The following SEMA3E variants were observed in gnomAD, a reference collection of about 807,000 sequenced individuals.
SEMA3E encodes the protein semaphorin-3E.
SEMA3E carries 49 observed loss-of-function variants against 93.6 expected under a neutral mutation model. The observed-to-expected ratio is 0.52, with a 90% confidence interval of 0.42 to 0.66. The LOEUF is 0.66. Ranked by LOEUF, SEMA3E falls within the 30% of genes least tolerant of loss-of-function variation. The pLI is 0.00. For missense variants in SEMA3E, 906 were observed against 964.8 expected (o/e 0.94, Z 0.81); for synonymous variants, 363 against 330.7 (o/e 1.10, Z -1.06).
intron 4 of SEMA3E, among the ~76,000 whole-genome samples, chr7:83,459,440 A>C (rs1789562839): frequency 6.6e-6 from 1 of 152,336 alleles, no homozygotes; most frequent in Non-Finnish European, 1.5e-5. Flanking sequence ...AGAGGTAAAT[A>C]TTCTGACTGT....
chr7:83,619,232 A>G (rs977437540), intron 1 of SEMA3E, among the ~76,000 whole-genome samples: 4 of 151,790 alleles, frequency 2.6e-5, no homozygotes, highest in African/African-American at 9.7e-5. Flanking sequence ...CCATTTTTCT[A>G]ACATACAGAA....
intron 1 of SEMA3E, among the ~76,000 whole-genome samples, chr7:83,616,209 T>C (rs1793364334): frequency 6.6e-6 from 1 of 152,168 alleles, no homozygotes. Context: ...TACAAAACCA[T>C]TTCAAACTGT....
chr7:83,613,296 A>G (rs974151846), intron 1 of SEMA3E, among the ~76,000 whole-genome samples: 5 of 152,048 alleles, frequency 3.3e-5, no homozygotes, highest in African/African-American at 1.2e-4. Flanking sequence ...CAGAAAAGAA[A>G]ATCTAAAAAT....
intron 4 of SEMA3E, among the ~76,000 whole-genome samples, chr7:83,456,483 G>A (rs62460816): frequency 0.12 from 17,741 of 151,906 alleles, 1,093 homozygotes; most frequent in Non-Finnish European, 0.14. Flanking sequence ...AACAACGCCT[G>A]TAGCAAAAAA....
chr7:83,598,171 G>A (rs919583787), intron 1 of SEMA3E, among the ~76,000 whole-genome samples: 1 of 152,114 alleles, frequency 6.6e-6, no homozygotes, highest in Non-Finnish European at 1.5e-5. Flanking sequence ...GCTGAAGCAG[G>A]GGTAAGCTAG....
chr7:83,399,268 T>C (rs1037923842), intron 11 of SEMA3E, among the ~76,000 whole-genome samples: 3 of 152,210 alleles, frequency 2.0e-5, no homozygotes, highest in Non-Finnish European at 4.4e-5. Context: ...TGCTACATAC[T>C]ACTTTGGAGG....
At chr7:83,469,702 T>C (rs1341129124) in intron 2 of SEMA3E, among the ~76,000 whole-genome samples, 1 of 152,186 alleles carries the variant, frequency 6.6e-6, no homozygotes, top group Non-Finnish European at 1.5e-5. Flanking sequence ...GTTTGCTGCA[T>C]ACAATGATTA....
intron 11 of SEMA3E, among the ~76,000 whole-genome samples, chr7:83,398,547 T>C (rs1241094368): frequency 6.6e-6 from 1 of 152,196 alleles, no homozygotes; most frequent in Non-Finnish European, 1.5e-5. Flanking sequence ...GAGCATATTA[T>C]TAACATTAAC....
At chr7:83,517,161 A>G (rs1790945669) in intron 1 of SEMA3E, among the ~76,000 whole-genome samples, 1 of 152,158 alleles carries the variant, frequency 6.6e-6, no homozygotes, top group Admixed American at 6.5e-5. Flanking sequence ...ATCTGCATTA[A>G]CAGGAAAGTC....
chr7:83,575,540 AC>A (rs770284347), intron 1 of SEMA3E, among the ~76,000 whole-genome samples: 9 of 152,048 alleles, frequency 5.9e-5, no homozygotes, highest in Admixed American at 1.3e-4. Flanking sequence ...TACGTTTTCT[AC>A]CCATTTTGAG....
chr7:83,408,848 C>T lies in SEMA3E; in HGVS notation c.551-361G>A, dbSNP rs112750112. On this transcript the variant is annotated intron_variant, in intron 5 of 16. Coordinates refer to ENST00000643230, the MANE Select transcript of SEMA3E (RefSeq NM_012431.3). ...CCTTGGCTTCATTTATTTTCCTAGA[C>T]TTCTTTTAACCTCCCTATCATCAGG... 3.3e-4 allele frequency among the ~76,000 whole-genome samples: 50 copies of T among 152,288 alleles called. 1 individual carries two copies. The highest frequency in any genetic ancestry group is 1.2e-3 in the African/African-American group (48 of 41,566).
In SEMA3E at chr7:83,368,004, A is replaced by G. The variant is rs745865066; in HGVS notation, c.1910T>C (p.Leu637Pro). ...KTDDRVVKMD[L>P]GLLFLRLHKS... ...GTGTAACCTTAGGAAGAGTAAACCAAGGTCCATCTTAACCACTCTGTCATC... is the reference window on the plus strand; with the variant it reads ...GTGTAACCTTAGGAAGAGTAAACCAGGGTCCATCTTAACCACTCTGTCATC... Residue 637 changes from leucine to proline, a missense_variant, in exon 17 of 17, where the codon CTT (leucine) becomes CCT (proline). Coordinates refer to ENST00000643230, the MANE Select transcript of SEMA3E (RefSeq NM_012431.3). 6.2e-7 allele frequency: 1 copy of G among 1,614,082 alleles called. No homozygotes were observed. Among genetic ancestry groups the G allele is most frequent in the Non-Finnish European group, 8.5e-7 (1 of 1,179,978 alleles).
At chr7:83,474,095 T>TAAAAAAAAAA (rs11324407) in intron 2 of SEMA3E, among the ~76,000 whole-genome samples, 2 of 108,580 alleles carry the variant, frequency 1.8e-5, no homozygotes, top group Non-Finnish European at 3.8e-5. Flanking sequence ...CTATCTCAAT[T>TAAAAAAAAAA]AAAAAAAAAA....
At chr7:83,598,548 G>A (rs1252997713) in intron 1 of SEMA3E, among the ~76,000 whole-genome samples, 1 of 152,156 alleles carries the variant, frequency 6.6e-6, no homozygotes, top group Non-Finnish European at 1.5e-5. Flanking sequence ...GTTTATGTCT[G>A]AAATATCAAT....
chr7:83,379,805 A>G (rs1014106849), intron 16 of SEMA3E, among the ~76,000 whole-genome samples: 1 of 151,974 alleles, frequency 6.6e-6, no homozygotes, highest in African/African-American at 2.4e-5. Flanking sequence ...CAATAAAAAT[A>G]TCTCCTTCAT....
chr7:83,397,836 G>T (rs1398197990), intron 11 of SEMA3E, among the ~76,000 whole-genome samples: 1 of 152,082 alleles, frequency 6.6e-6, no homozygotes, highest in Non-Finnish European at 1.5e-5. Flanking sequence ...AATAAAACTG[G>T]ATTATAATTA....
At chr7:83,505,154 G>A (rs972617602) in intron 1 of SEMA3E, among the ~76,000 whole-genome samples, 2 of 152,052 alleles carry the variant, frequency 1.3e-5, no homozygotes, top group African/African-American at 4.8e-5. Context: ...TTAATAAAAG[G>A]TCATAGATAA....
intron 2 of SEMA3E, among the ~76,000 whole-genome samples, chr7:83,471,108 T>C (rs1416170405): frequency 6.6e-6 from 1 of 151,972 alleles, no homozygotes; most frequent in African/African-American, 2.4e-5. Flanking sequence ...GTACATAGTT[T>C]AGCAGGGCTA....
rs1788213405 is a variant in SEMA3E at position 83,400,298 on chromosome 7, A to C, written c.1144-48T>G. ...AATTCTTTTTGCTTTACACCCAAAGAGAAAATTTATAATCAATTATGAGAA... is the reference window on the plus strand; with the variant it reads ...AATTCTTTTTGCTTTACACCCAAAGCGAAAATTTATAATCAATTATGAGAA... On this transcript the variant is annotated intron_variant, in intron 10 of 16. Coordinates refer to ENST00000643230, the MANE Select transcript of SEMA3E (RefSeq NM_012431.3). 15 of 1,547,544 alleles carry C rather than the reference A, an allele frequency of 9.7e-6. No individual in the cohort carries two copies. In the East Asian group the frequency reaches 3.4e-4, roughly 35 times the overall value.
Sources: gnomAD v4.1 joint callset for allele counts (sites outside exome capture counted in the v4.1 genomes callset) on GRCh38, gnomAD v4.1.1 for gene constraint, MANE v1.5 for transcripts, NCBI Gene and HGNC (gene_info 2026-07-23, HGNC 2026-07-21) for gene names.